Variants in GRID1 observed in about 807,000 individuals in gnomAD.
The protein encoded by GRID1 is glutamate receptor ionotropic, delta-1.
A neutral mutation model predicts 98.0 loss-of-function variants in GRID1; 28 were observed. That is an observed-to-expected ratio of 0.29 (90% confidence interval 0.21 to 0.39). The LOEUF is 0.39. GRID1 is among the 10% of genes least tolerant of loss of function. The probability of loss-of-function intolerance (pLI) is 1.00; values close to 1 mark genes in which losing one functional copy is unlikely to be tolerated. For missense variants in GRID1, 1,111 were observed against 1,340.5 expected (o/e 0.83, Z 2.67); for synonymous variants, 553 against 538.5 (o/e 1.03, Z -0.37).
intron 4 of GRID1, among the ~76,000 whole-genome samples, chr10:86,034,052 T>C (rs1274209922): frequency 6.6e-6 from 1 of 152,238 alleles, no homozygotes; most frequent in African/African-American, 2.4e-5. Flanking sequence ...AATTAGCTTA[T>C]TTTAAGTAAA....
intron 8 of GRID1, among the ~76,000 whole-genome samples, chr10:85,801,188 T>C (rs552954328): frequency 6.6e-6 from 1 of 151,898 alleles, no homozygotes; most frequent in Non-Finnish European, 1.5e-5. Flanking sequence ...TGTAAAATAA[T>C]TCAATAAGAA....
intron 4 of GRID1, among the ~76,000 whole-genome samples, chr10:86,090,990 A>C (rs1321674767): frequency 6.6e-6 from 1 of 152,202 alleles, no homozygotes; most frequent in Non-Finnish European, 1.5e-5. Context: ...CTGGGAGCTC[A>C]CTGGGTCCCC....
Position 85,602,429 on chromosome 10 carries a change from C to T in GRID1, c.2874G>A (p.Ser958=), listed in dbSNP as rs903885465. 3.1e-6 allele frequency: 5 copies of T among 1,613,986 alleles called. No individual in the cohort carries two copies. Among genetic ancestry groups the T allele is most frequent in the South Asian group, 1.1e-5 (1 of 91,076 alleles). ...SSNLPLPLSS[S]ATMPSMQCKH... is the part of the protein sequence containing the mutation. ...TGCACTGCATGGAGGGCATGGTCGC[C>T]GAGCTGCTCAGCGGCAGCGGCAGGT... Residue 958 remains serine (S), a synonymous_variant, in exon 16 of 16, where the codon TCG becomes TCA. Coordinates refer to ENST00000327946, the MANE Select transcript of GRID1 (RefSeq NM_017551.3).
At chr10:86,099,749 A>G (rs1844268967) in intron 4 of GRID1, among the ~76,000 whole-genome samples, 1 of 152,138 alleles carries the variant, frequency 6.6e-6, no homozygotes, top group Non-Finnish European at 1.5e-5. Flanking sequence ...AGGCCCAGCC[A>G]TCTGTCCATC....
intron 4 of GRID1, among the ~76,000 whole-genome samples, chr10:86,063,605 C>T (rs1234844098): frequency 6.6e-6 from 1 of 151,432 alleles, no homozygotes; most frequent in Admixed American, 6.6e-5. Flanking sequence ...ATGTGCTTAA[C>T]CAATCTGCTA....
At chr10:86,189,315 C>G (rs1266313564) in intron 3 of GRID1, among the ~76,000 whole-genome samples, 1 of 152,054 alleles carries the variant, frequency 6.6e-6, no homozygotes, top group Non-Finnish European at 1.5e-5. Flanking sequence ...TCCACCTGGC[C>G]TAACTAGTCG....
intron 2 of GRID1, among the ~76,000 whole-genome samples, chr10:86,221,119 C>G (rs111538399): frequency 1.3e-5 from 2 of 152,202 alleles, no homozygotes; most frequent in Non-Finnish European, 2.9e-5. Context: ...CCATCTCAGC[C>G]CCCAGGTGCT....
intron 3 of GRID1, among the ~76,000 whole-genome samples, chr10:86,174,634 G>C (rs1845547187): frequency 6.6e-6 from 1 of 151,982 alleles, no homozygotes; most frequent in African/African-American, 2.4e-5. Flanking sequence ...AGCCAAAATT[G>C]ACAAATAGGA....
chr10:85,649,040 A>G (rs1263421391), intron 12 of GRID1, among the ~76,000 whole-genome samples: 1 of 152,218 alleles, frequency 6.6e-6, no homozygotes, highest in African/African-American at 2.4e-5. Flanking sequence ...GAGGATTGCT[A>G]TGAGGATTAA....
intron 8 of GRID1, among the ~76,000 whole-genome samples, chr10:85,816,533 G>A (rs1391700926): frequency 1.3e-5 from 2 of 152,168 alleles, no homozygotes; most frequent in Non-Finnish European, 2.9e-5. Flanking sequence ...AGGATGTGGG[G>A]TTGAATAGAA....
intron 13 of GRID1, among the ~76,000 whole-genome samples, chr10:85,632,631 C>A (rs965412445): frequency 5.3e-5 from 8 of 152,174 alleles, no homozygotes; most frequent in African/African-American, 1.9e-4. Flanking sequence ...GCAACCTCCA[C>A]CTCCCAGGAA....
At position 85,998,965 on chromosome 10, in the gene GRID1, C is replaced by A. The variant is rs139367815; in HGVS notation, c.727-82726G>T. 3.9e-5 allele frequency among the ~76,000 whole-genome samples: 6 copies of A among 152,196 alleles called. No individual in the cohort carries two copies. In the South Asian group the frequency reaches 6.2e-4, roughly 16 times the overall value. On this transcript the variant is annotated intron_variant, in intron 4 of 15. Transcript: ENST00000327946. ...CAGTGGCTCACGCCTGTAATCCCAG[C>A]GCTTTGGGAGGCCAAGGCGGGTGGA... is the stretch of plus-strand genomic sequence containing the variant.
rs1446348951 is a variant in GRID1 at position 85,600,081 on chromosome 10, GA to G, written c.*2191del. On this transcript the variant is annotated 3_prime_UTR_variant, in exon 16 of 16. Coordinates refer to ENST00000327946, the MANE Select transcript of GRID1 (RefSeq NM_017551.3). Reference sequence around the variant, plus strand: ...CATCTCAGGGGGCAATGAGGAAACAGAGTTGGTGTGAGATAAGGCAGTGAGA... The same window carrying G: ...CATCTCAGGGGGCAATGAGGAAACAGGTTGGTGTGAGATAAGGCAGTGAGA... 6.6e-6 allele frequency: 1 copy of G among 152,226 alleles called. No homozygotes were observed. The highest frequency in any genetic ancestry group is 6.6e-5 in the Admixed American group (1 of 15,234). 9.4% of individuals were successfully genotyped at this position (152,226 alleles called of 1,614,324 possible).
At chr10:85,806,333 C>A (rs1340190039) in intron 8 of GRID1, among the ~76,000 whole-genome samples, 1 of 152,092 alleles carries the variant, frequency 6.6e-6, no homozygotes, top group Admixed American at 6.5e-5. Context: ...AGTGGAGCAA[C>A]TGGAAATTCC....
intron 3 of GRID1, among the ~76,000 whole-genome samples, chr10:86,196,048 G>A (rs1845867607): frequency 2.0e-5 from 3 of 151,972 alleles, no homozygotes; most frequent in African/African-American, 4.8e-5. Context: ...TGACAGACAC[G>A]ACAACCTGGC....
intron 12 of GRID1, among the ~76,000 whole-genome samples, chr10:85,679,234 C>T (rs886745635): frequency 4.6e-5 from 7 of 152,172 alleles, no homozygotes; most frequent in African/African-American, 9.7e-5. Context: ...ATCTCAGCTC[C>T]CAGGCTTCTG....
chr10:85,855,277 G>A (rs1032426244), intron 7 of GRID1, among the ~76,000 whole-genome samples: 5 of 152,242 alleles, frequency 3.3e-5, no homozygotes, highest in African/African-American at 1.2e-4. Flanking sequence ...GGCTCAGTGG[G>A]CTTCATAGGA....
intron 3 of GRID1, among the ~76,000 whole-genome samples, chr10:86,202,444 A>G (rs1317120906): frequency 6.6e-6 from 1 of 152,264 alleles, no homozygotes; most frequent in Non-Finnish European, 1.5e-5. Context: ...GCCCCTGCCA[A>G]TGCATACACA....
At chr10:85,934,948 T>C (rs564536838) in intron 4 of GRID1, among the ~76,000 whole-genome samples, 7 of 152,342 alleles carry the variant, frequency 4.6e-5, no homozygotes, top group African/African-American at 1.7e-4. Context: ...TTTCTGGTTA[T>C]TTTCATAAAG....
Sources: gnomAD v4.1 joint callset for allele counts (sites outside exome capture counted in the v4.1 genomes callset) on GRCh38, gnomAD v4.1.1 for gene constraint, MANE v1.5 for transcripts, NCBI Gene and HGNC (gene_info 2026-07-23, HGNC 2026-07-21) for gene names.